Variants in DGLUCY observed in about 807,000 individuals in gnomAD.
The protein encoded by DGLUCY is D-glutamate cyclase.
In DGLUCY, 58 loss-of-function variants were observed where a neutral mutation model predicts 58.5. The observed-to-expected ratio is 0.99, with a 90% CI of 0.80 to 1.23. DGLUCY has a LOEUF of 1.23. Among genes scored for constraint, DGLUCY ranks in the 50% most tolerant of loss-of-function variants. DGLUCY has a pLI of 0.00. For synonymous variants in DGLUCY, 325 were observed against 314.1 expected (o/e 1.03, Z -0.37); for missense variants, 779 against 784.7 (o/e 0.99, Z 0.09).
chr14:91,170,889 A>AT (rs1464802423), intron 5 of DGLUCY, among the ~76,000 whole-genome samples: 2 of 152,106 alleles, frequency 1.3e-5, no homozygotes, highest in Non-Finnish European at 1.5e-5. Flanking sequence ...TGGATCAGAG[A>AT]TTTTGTCTTG....
At chr14:91,212,156 T>A (rs1263856532) in intron 12 of DGLUCY, among the ~76,000 whole-genome samples, 2 of 152,164 alleles carry the variant, frequency 1.3e-5, no homozygotes, top group African/African-American at 4.8e-5. Flanking sequence ...AAAGAAACAG[T>A]TGATAAGCTG....
At chr14:91,180,759 A>G (rs190526515) in intron 7 of DGLUCY, among the ~76,000 whole-genome samples, 6 of 152,328 alleles carry the variant, frequency 3.9e-5, no homozygotes, top group Admixed American at 1.3e-4. Context: ...ATAAGGAAAA[A>G]TAGAAACGAT....
At chr14:91,061,511 A>G (rs934379638) in intron 1 of DGLUCY, among the ~76,000 whole-genome samples, 2 of 152,244 alleles carry the variant, frequency 1.3e-5, no homozygotes, top group Non-Finnish European at 2.9e-5. Flanking sequence ...AAGCAGTCGT[A>G]CAAAGCGTTA....
chr14:91,222,380 A>T (rs1228422527), intron 13 of DGLUCY, among the ~76,000 whole-genome samples: 1 of 152,160 alleles, frequency 6.6e-6, no homozygotes, highest in Non-Finnish European at 1.5e-5. Flanking sequence ...TGCTGTGAGG[A>T]AATGGCCCCA....
upstream of DGLUCY, among the ~76,000 whole-genome samples, chr14:91,109,402 C>G (rs761487635): frequency 1.3e-5 from 2 of 152,114 alleles, no homozygotes; most frequent in African/African-American, 2.4e-5. Context: ...CTGGCACTGT[C>G]AAGGAGAGTG....
chr14:91,077,014 G>A (rs1285188827), intron 1 of DGLUCY, among the ~76,000 whole-genome samples: 1 of 152,122 alleles, frequency 6.6e-6, no homozygotes, highest in Non-Finnish European at 1.5e-5. Context: ...GGAGGCCAAG[G>A]TGGAAGGATC....
chr14:91,168,548 T>C (rs1283509239), intron 4 of DGLUCY, among the ~76,000 whole-genome samples: 2 of 152,206 alleles, frequency 1.3e-5, no homozygotes, highest in African/African-American at 4.8e-5. Flanking sequence ...TGGAAACTCC[T>C]GGAGCCCATC....
intron 1 of DGLUCY, among the ~76,000 whole-genome samples, chr14:91,094,482 G>A (rs994447663): frequency 6.6e-6 from 1 of 151,400 alleles, no homozygotes; most frequent in Non-Finnish European, 1.5e-5. Context: ...GGATCCCAGA[G>A]GCAGAGGTGA....
chr14:91,130,511 T>C (rs527414273), intron 1 of DGLUCY, among the ~76,000 whole-genome samples: 2 of 152,188 alleles, frequency 1.3e-5, no homozygotes, highest in Admixed American at 1.3e-4. Context: ...TTTCACCATA[T>C]GGGCCAGGAT....
intron 12 of DGLUCY, 86 bp from the exon 13 acceptor site, chr14:91,215,319 C>A: frequency 6.5e-7 from 1 of 1,529,106 alleles, no homozygotes. Flanking sequence ...TGGACCAGTC[C>A]TGCAGATAGT....
At chr14:91,205,255 A>C (rs113201822) in intron 12 of DGLUCY, among the ~76,000 whole-genome samples, 1 of 152,202 alleles carries the variant, frequency 6.6e-6, no homozygotes, top group Non-Finnish European at 1.5e-5. Context: ...CTGCATGAAC[A>C]GTAAGAAAAC....
intron 1 of DGLUCY, among the ~76,000 whole-genome samples, chr14:91,108,487 T>TTGTG (rs34711327): frequency 0.022 from 1,608 of 74,742 alleles, 130 homozygotes; most frequent in African/African-American, 0.034. Context: ...CTTGAAGAAT[T>TTGTG]TGTGTGTGTG....
intron 5 of DGLUCY, among the ~76,000 whole-genome samples, chr14:91,172,347 G>A (rs958262678): frequency 2.0e-5 from 3 of 152,240 alleles, no homozygotes; most frequent in Non-Finnish European, 4.4e-5. Flanking sequence ...CCAAAGTGCT[G>A]GTATTACAGG....
intron 12 of DGLUCY, among the ~76,000 whole-genome samples, chr14:91,205,842 C>CTTCTT (rs1555406087): frequency 7.1e-5 from 5 of 70,698 alleles, no homozygotes; most frequent in Non-Finnish European, 1.2e-4. Flanking sequence ...TCTTCTTCTT[C>CTTCTT]TTTTTTTTTT....
At chr14:91,176,093 A>G (rs1324625496) in intron 7 of DGLUCY, 37 bp downstream of exon 7, 6 of 1,606,522 alleles carry the variant, frequency 3.7e-6, no homozygotes, top group Non-Finnish European at 5.1e-6. Flanking sequence ...GATCTGCCCT[A>G]GGATGGAGCC....
chr14:91,092,867 T>C (rs2044335780), intron 1 of DGLUCY, among the ~76,000 whole-genome samples: 1 of 152,204 alleles, frequency 6.6e-6, no homozygotes, highest in Non-Finnish European at 1.5e-5. Context: ...GTGGATCACC[T>C]GAGGTCAGGA....
chr14:91,126,079 C>T (rs1269250905), intron 1 of DGLUCY, among the ~76,000 whole-genome samples: 1 of 152,172 alleles, frequency 6.6e-6, no homozygotes, highest in Non-Finnish European at 1.5e-5. Context: ...CTGACAGCCC[C>T]ACTGGGTACT....
At chr14:91,073,474 A>G (rs2043957406) in intron 1 of DGLUCY, among the ~76,000 whole-genome samples, 1 of 152,194 alleles carries the variant, frequency 6.6e-6, no homozygotes, top group Non-Finnish European at 1.5e-5. Context: ...TCTGTCATCC[A>G]GGCTAATGTT....
chr14:91,190,939 G>C (rs1595881253), intron 9 of DGLUCY, among the ~76,000 whole-genome samples: 1 of 152,042 alleles, frequency 6.6e-6, no homozygotes, highest in Non-Finnish European at 1.5e-5. Flanking sequence ...AGAGGAGGAC[G>C]GTTTGGAGTG....
Sources: gnomAD v4.1 joint callset for allele counts (sites outside exome capture counted in the v4.1 genomes callset) on GRCh38, gnomAD v4.1.1 for gene constraint, MANE v1.5 for transcripts, NCBI Gene and HGNC (gene_info 2026-07-23, HGNC 2026-07-21) for gene names.